Variants in REPS1 observed in about 807,000 individuals in gnomAD.
REPS1 encodes the protein ralBP1-associated Eps domain-containing protein 1.
REPS1 carries 39 observed loss-of-function variants against 100.9 expected under a neutral mutation model. That is an observed-to-expected ratio of 0.39 (90% CI 0.30 to 0.50). The LOEUF (loss-of-function observed/expected upper bound fraction) is 0.50, where lower values mean the gene tolerates loss of function less well. Among genes scored for constraint, REPS1 ranks in the 20% least tolerant of loss-of-function variants. The probability of loss-of-function intolerance (pLI) is 0.86; values close to 1 mark genes in which losing one functional copy is unlikely to be tolerated. For synonymous variants in REPS1, 324 were observed against 340.3 expected (o/e 0.95, Z 0.53); for missense variants, 821 against 968.5 (o/e 0.85, Z 2.02).
chr6:138,937,507 T>G (rs1208609760), intron 8 of REPS1, among the ~76,000 whole-genome samples: 1 of 150,720 alleles, frequency 6.6e-6, no homozygotes, highest in Non-Finnish European at 1.5e-5. Context: ...TCATGTGCCT[T>G]CTCTTCTCTG....
intron 1 of REPS1, among the ~76,000 whole-genome samples, chr6:138,974,529 T>C (rs1435331712): frequency 6.6e-6 from 1 of 152,154 alleles, no homozygotes. Context: ...CCAAATGTGT[T>C]TTGGGTTTAA....
Position 138,976,231 on chromosome 6 carries a change from A to G in REPS1, c.153+11299T>C, listed in dbSNP as rs543159835. Among the ~76,000 whole-genome samples, 8 of 152,328 alleles carry G rather than the reference A, an allele frequency of 5.3e-5. No individual in the cohort carries two copies. In the East Asian group the frequency reaches 1.5e-3, roughly 29 times the overall value. On this transcript the variant is annotated intron_variant, in intron 1 of 19. Coordinates refer to ENST00000450536, the MANE Select transcript of REPS1 (RefSeq NM_001286611.2). ...GACAATGATTTCTTGTTTCAAGGAT[A>G]TAGATATTTCTATTTCCACGTACAA...
At chr6:138,936,696 T>A (rs890006807) in intron 8 of REPS1, among the ~76,000 whole-genome samples, 2 of 127,232 alleles carry the variant, frequency 1.6e-5, no homozygotes, top group Non-Finnish European at 3.1e-5. Flanking sequence ...ATTTTCATTA[T>A]TTTTTCCTCT....
At chr6:138,938,685 G>A (rs1782026394) in intron 8 of REPS1, among the ~76,000 whole-genome samples, 2 of 152,072 alleles carry the variant, frequency 1.3e-5, no homozygotes, top group South Asian at 4.1e-4. Flanking sequence ...TAATTAGCAT[G>A]TAGAAAATGC....
At chr6:138,971,736 G>T (rs1386586245) in intron 1 of REPS1, among the ~76,000 whole-genome samples, 1 of 152,146 alleles carries the variant, frequency 6.6e-6, no homozygotes, top group Admixed American at 6.5e-5. Context: ...CTCTTCTCAT[G>T]CCCAGAATGT....
chr6:138,986,046 T>C (rs1253033472), intron 1 of REPS1, among the ~76,000 whole-genome samples: 1 of 152,200 alleles, frequency 6.6e-6, no homozygotes, highest in Non-Finnish European at 1.5e-5. Context: ...ACTCCAAAGC[T>C]GTAACAGGAG....
At chr6:138,923,068 G>T (rs1780884636) in intron 10 of REPS1, among the ~76,000 whole-genome samples, 1 of 152,036 alleles carries the variant, frequency 6.6e-6, no homozygotes, top group South Asian at 2.1e-4. Flanking sequence ...CCTAACATTT[G>T]CCCTACAACT....
intron 1 of REPS1, among the ~76,000 whole-genome samples, chr6:138,965,653 A>C (rs902153253): frequency 1.3e-5 from 2 of 152,222 alleles, no homozygotes; most frequent in African/African-American, 4.8e-5. Flanking sequence ...GACTGTCTTA[A>C]GCAAACCCAG....
At chr6:138,965,129 A>G (rs1783943591) in intron 1 of REPS1, among the ~76,000 whole-genome samples, 1 of 152,176 alleles carries the variant, frequency 6.6e-6, no homozygotes, top group African/African-American at 2.4e-5. Context: ...GTCTACTCTG[A>G]TAAAAGTAGT....
intron 1 of REPS1, among the ~76,000 whole-genome samples, chr6:138,953,503 A>G (rs1022706840): frequency 2.0e-5 from 3 of 152,156 alleles, no homozygotes; most frequent in Non-Finnish European, 4.4e-5. Flanking sequence ...AGCAAAAAAC[A>G]AAACAAAACA....
intron 2 of REPS1, among the ~76,000 whole-genome samples, chr6:138,947,577 T>C (rs1448029122): frequency 6.6e-6 from 1 of 152,192 alleles, no homozygotes. Flanking sequence ...CAAATACAGA[T>C]GAAGTACATA....
At chr6:138,979,186 A>AG in intron 1 of REPS1, among the ~76,000 whole-genome samples, 1 of 147,314 alleles carries the variant, frequency 6.8e-6, no homozygotes. Context: ...ATCACAAAAA[A>AG]AAAAAAAAAA....
chr6:138,965,933 T>C (rs984183104), intron 1 of REPS1, among the ~76,000 whole-genome samples: 21 of 152,166 alleles, frequency 1.4e-4, no homozygotes, highest in African/African-American at 4.1e-4. Context: ...CAATAAAACA[T>C]TTAAACACAG....
Position 138,904,871 on chromosome 6 carries a change from G to A in REPS1, c.*193C>T, listed in dbSNP as rs920141924. 12 of 470,394 alleles carry A rather than the reference G, an allele frequency of 2.6e-5. No individual in the cohort carries two copies. The highest frequency in any genetic ancestry group is 7.0e-5 in the East Asian group (2 of 28,720). 29.1% of individuals were successfully genotyped at this position (470,394 alleles called of 1,614,324 possible). A position where few individuals can be genotyped will look rare whatever the true frequency, so the allele number is the denominator to read the frequency against. The stretch of plus-strand genomic sequence containing the variant: ...AAACACAATCTACCCTCCAGAAAAC[G>A]CCATCCTGACCTTTTTATTGTCGAA... On this transcript the variant is annotated 3_prime_UTR_variant, in exon 20 of 20. Coordinates refer to ENST00000450536, the MANE Select transcript of REPS1 (RefSeq NM_001286611.2).
At chr6:138,929,646 AAAG>A (rs1781363037) in intron 9 of REPS1, 1 of 188,148 alleles carries the variant, frequency 5.3e-6, no homozygotes, top group South Asian at 1.3e-4. Context: ...ACTAGATATC[AAAG>A]GACTTACGTT....
At chr6:138,984,878 G>C (rs1263625647) in intron 1 of REPS1, among the ~76,000 whole-genome samples, 1 of 152,066 alleles carries the variant, frequency 6.6e-6, no homozygotes, top group Non-Finnish European at 1.5e-5. Flanking sequence ...ACCTCATATA[G>C]TGGCTACCCA....
At chr6:138,959,981 A>G (rs1237503030) in intron 1 of REPS1, among the ~76,000 whole-genome samples, 1 of 152,196 alleles carries the variant, frequency 6.6e-6, no homozygotes, top group Non-Finnish European at 1.5e-5. Context: ...TCCAAGACAT[A>G]GCTAGACAGA....
At chr6:138,987,265 G>A (rs555311978) in intron 1 of REPS1, among the ~76,000 whole-genome samples, 2 of 152,354 alleles carry the variant, frequency 1.3e-5, no homozygotes, top group Admixed American at 6.5e-5. Context: ...GCAGTACAGA[G>A]CACAGATTCT....
intron 19 of REPS1, 182 bp downstream of exon 19, chr6:138,907,313 A>AAGTGTGTGTGTGG (rs1554282170): frequency 2.2e-5 from 3 of 135,346 alleles, no homozygotes; most frequent in East Asian, 2.0e-4. Flanking sequence ...AAAAAAAAAA[A>AAGTGTGTGTGTGG]GTGTGTGTGT....
Sources: allele counts gnomAD v4.1 joint callset (sites outside exome capture counted in the v4.1 genomes callset), GRCh38; gene constraint gnomAD v4.1.1; transcripts MANE v1.5; gene names NCBI Gene and HGNC (gene_info 2026-07-23, HGNC 2026-07-21).